ARHGAP17: variants seen among roughly 807,000 people sequenced by gnomAD.
ARHGAP17 encodes rho GTPase-activating protein 17.
Under a neutral mutation model 99.5 loss-of-function variants are expected in ARHGAP17, and 57 were observed. The observed-to-expected ratio is 0.57, with a 90% CI of 0.46 to 0.71. ARHGAP17 has a LOEUF of 0.71. ARHGAP17 is among the 30% of genes least tolerant of loss of function. The pLI is 0.00. For missense variants in ARHGAP17, 1,000 were observed against 1,122.4 expected (o/e 0.89, Z 1.56); for synonymous variants, 417 against 429.6 (o/e 0.97, Z 0.36).
chr16:24,975,288 G>A (rs186882413), intron 3 of ARHGAP17, among the ~76,000 whole-genome samples: 82 of 152,302 alleles, frequency 5.4e-4, no homozygotes, highest in Admixed American at 1.7e-3. Context: ...AAGAGAGGAA[G>A]TTTTTTGCTT....
At chr16:25,006,229 A>G (rs950291972) in intron 1 of ARHGAP17, among the ~76,000 whole-genome samples, 3 of 151,890 alleles carry the variant, frequency 2.0e-5, no homozygotes, top group Admixed American at 2.0e-4. Context: ...CAGATAATCA[A>G]GGTCAGTTCC....
At chr16:24,931,428 C>T (rs1300480269) in intron 18 of ARHGAP17, 24 bp from the exon 19 acceptor site, 2 of 1,495,594 alleles carry the variant, frequency 1.3e-6, no homozygotes, top group Non-Finnish European at 1.8e-6. Flanking sequence ...GAAAAAACAC[C>T]TTTCAGTAGG....
intron 16 of ARHGAP17, 43 bp downstream of exon 16, chr16:24,941,944 A>G (rs1375446424): frequency 6.2e-7 from 1 of 1,613,078 alleles, no homozygotes; most frequent in African/African-American, 1.3e-5. Context: ...CGGGTCTAAC[A>G]ACATATTTAC....
chr16:25,015,211 G>C lies in ARHGAP17; in HGVS notation c.51C>G (p.Gly17=). ...CCCGTGCTGCCCGGCGCACTCGCCT[G>C]CCCACGGTCTGGTTAGCCAGCTGCT... ...RMKQLANQTV[G]RAEKTEVLSE... Residue 17 remains glycine (G), a splice_region_variant and synonymous_variant, in exon 1 of 20, where the codon GGC becomes GGG. Coordinates refer to ENST00000289968, the MANE Select transcript of ARHGAP17 (RefSeq NM_001006634.3). 7.5e-7 allele frequency: 1 copy of C among 1,338,926 alleles called. No homozygotes were observed. Among genetic ancestry groups the C allele is most frequent in the African/African-American group, 1.5e-5 (1 of 65,188 alleles). 82.9% of individuals were successfully genotyped at this position (1,338,926 alleles called of 1,614,324 possible).
intron 1 of ARHGAP17, among the ~76,000 whole-genome samples, chr16:25,005,778 T>C (rs2053488999): frequency 6.6e-6 from 1 of 152,212 alleles, no homozygotes; most frequent in African/African-American, 2.4e-5. Context: ...AAAATTTAAA[T>C]AGATAACAAA....
intron 14 of ARHGAP17, among the ~76,000 whole-genome samples, chr16:24,944,382 C>A (rs1217674033): frequency 1.3e-5 from 2 of 151,790 alleles, no homozygotes; most frequent in Non-Finnish European, 2.9e-5. Context: ...ACTGTGATAA[C>A]AACCACAGTG....
At chr16:24,928,458 G>A (rs182859910) in intron 19 of ARHGAP17, among the ~76,000 whole-genome samples, 14 of 152,164 alleles carry the variant, frequency 9.2e-5, no homozygotes, top group African/African-American at 3.1e-4. Context: ...CTAAACTTGT[G>A]GAATAAATAC....
At chr16:24,983,343 C>T (rs1200051472) in intron 1 of ARHGAP17, among the ~76,000 whole-genome samples, 6 of 151,428 alleles carry the variant, frequency 4.0e-5, no homozygotes. Context: ...TGCTCTACCT[C>T]CCATGCTGAG....
In ARHGAP17 at chr16:24,920,146, TCG is replaced by T; in HGVS notation, c.2628_2629del (p.Ser878HisfsTer34). The T allele has an allele frequency of 6.2e-7, 1 of 1,614,054 alleles. No individual in the cohort carries two copies. The highest frequency in any genetic ancestry group is 1.1e-5 in the South Asian group (1 of 91,062). ...GGGCTTTCTTCACAGGGCAGTGCTC[TCG>T]GTATCATTGTCTATATCCAGCAGGA... is the stretch of plus-strand genomic sequence containing the variant. On this transcript the variant is annotated frameshift_variant, in exon 20 of 20. Coordinates refer to ENST00000289968, the MANE Select transcript of ARHGAP17 (RefSeq NM_001006634.3). LOFTEE classifies it high-confidence loss of function.
intron 18 of ARHGAP17, among the ~76,000 whole-genome samples, chr16:24,932,557 AGTTTGATTG>A (rs1486875826): frequency 2.6e-5 from 4 of 152,072 alleles, no homozygotes; most frequent in Non-Finnish European, 1.5e-5. Flanking sequence ...TCTCCTTGAG[AGTTTGATTG>A]GTTTGATTGG....
intron 7 of ARHGAP17, among the ~76,000 whole-genome samples, chr16:24,961,679 T>C (rs534683172): frequency 6.6e-6 from 1 of 151,084 alleles, no homozygotes; most frequent in Non-Finnish European, 1.5e-5. Flanking sequence ...TACAGGTGCA[T>C]ACCACCATAC....
At chr16:24,936,508 C>A (rs2051142930) in intron 17 of ARHGAP17, 1 of 150,988 alleles carries the variant, frequency 6.6e-6, no homozygotes, top group Non-Finnish European at 1.5e-5. Flanking sequence ...GAGTTCAAGA[C>A]CAGCCTGGCC....
At chr16:24,989,054 CCA>C (rs2052956781) in intron 1 of ARHGAP17, among the ~76,000 whole-genome samples, 1 of 152,336 alleles carries the variant, frequency 6.6e-6, no homozygotes. Context: ...CAGGAGGAGT[CCA>C]GTTTACTGCT....
Position 24,986,036 on chromosome 16 carries a change from A to C in ARHGAP17, c.54-7031T>G, listed in dbSNP as rs562305902. On this transcript the variant is annotated intron_variant, in intron 1 of 19. Coordinates refer to ENST00000289968, the MANE Select transcript of ARHGAP17 (RefSeq NM_001006634.3). The stretch of plus-strand genomic sequence containing the variant: ...CACCAAACCCTCCAGCCTCATATTC[A>C]ATCTAATTGAACTGTGGACTGAAGA... Among the ~76,000 whole-genome samples, 12 of 152,302 alleles carry C rather than the reference A, an allele frequency of 7.9e-5. No individual in the cohort carries two copies. The South Asian group carries it at 2.5e-3, about 32-fold the overall frequency.
At chr16:24,957,498 T>C (rs982401096) in intron 9 of ARHGAP17, 5 of 151,976 alleles carry the variant, frequency 3.3e-5, no homozygotes, top group African/African-American at 1.2e-4. Context: ...TGAAGAAAAA[T>C]TTTTAAAAAG....
intron 1 of ARHGAP17, among the ~76,000 whole-genome samples, chr16:25,005,813 A>C (rs1267256275): frequency 6.6e-6 from 1 of 152,242 alleles, no homozygotes; most frequent in Admixed American, 6.5e-5. Flanking sequence ...TATCTAATGC[A>C]ACTAAGGTGA....
At chr16:24,977,994 G>A (rs1462973029) in intron 2 of ARHGAP17, among the ~76,000 whole-genome samples, 4 of 152,090 alleles carry the variant, frequency 2.6e-5, no homozygotes, top group Admixed American at 6.5e-5. Context: ...TTTACGCATC[G>A]AGATGGTCTG....
At chr16:24,947,391 T>C in intron 14 of ARHGAP17, 91 bp downstream of exon 14, 1 of 1,164,486 alleles carries the variant, frequency 8.6e-7, no homozygotes, top group Non-Finnish European at 1.2e-6. Flanking sequence ...GAATTGATCT[T>C]AAACTAGAAT....
chr16:25,014,794 A>C (rs1420063255), intron 1 of ARHGAP17, among the ~76,000 whole-genome samples: 1 of 152,202 alleles, frequency 6.6e-6, no homozygotes, highest in African/African-American at 2.4e-5. Context: ...CGCCCCCCAC[A>C]GCACAGCGCT....
Sources: allele counts gnomAD v4.1 joint callset (sites outside exome capture counted in the v4.1 genomes callset), GRCh38; gene constraint gnomAD v4.1.1; transcripts MANE v1.5; gene names NCBI Gene and HGNC (gene_info 2026-07-23, HGNC 2026-07-21).